Variants in ST14 observed in about 807,000 individuals in gnomAD.
ST14 encodes the protein suppressor of tumorigenicity 14 protein.
Under a neutral mutation model 96.5 loss-of-function variants are expected in ST14, and 40 were observed. The observed-to-expected ratio is 0.41, with a 90% CI of 0.32 to 0.54. The LOEUF is 0.54. Ranked by LOEUF, ST14 falls within the 20% of genes least tolerant of loss-of-function variation. The pLI is 0.17. For missense variants in ST14, 1,066 were observed against 1,188.9 expected, an observed-to-expected ratio of 0.90 and a Z score of 1.52; for synonymous variants, 506 against 492.1, an observed-to-expected ratio of 1.03 and a Z score of -0.37.
chr11:130,204,960 CTTTT>C (rs1953471318), intron 16 of ST14, among the ~76,000 whole-genome samples: 1 of 152,110 alleles, frequency 6.6e-6, no homozygotes, highest in Non-Finnish European at 1.5e-5. Flanking sequence ...GTTCAGTAAC[CTTTT>C]GACCTTCCTG....
At position 130,160,468 on chromosome 11, in the gene ST14, C is replaced by A. The variant is rs7117343; in HGVS notation, c.81+408C>A. Among the ~76,000 whole-genome samples the A allele has an allele frequency of 2.0e-5, 3 of 152,186 alleles. No homozygotes were observed. In the East Asian group the frequency reaches 5.8e-4, roughly 30 times the overall value. On this transcript the variant is annotated intron_variant, in intron 1 of 18. Transcript: ENST00000278742. ...TTGGAGTCTCAGCCATCCTTGGCCT[C>A]TGCAGAAAGTTTCTTTCGTCTCTCT...
chr11:130,205,055 A>G (rs1315506795), intron 16 of ST14, among the ~76,000 whole-genome samples: 1 of 152,056 alleles, frequency 6.6e-6, no homozygotes, highest in Non-Finnish European at 1.5e-5. Context: ...TATTTTTCCA[A>G]TGTTTTATTT....
chr11:130,196,558 C>CG lies in ST14; in HGVS notation c.1224-12_1224-11insG, dbSNP rs1555154898. The CG allele has an allele frequency of 9.7e-5, 143 of 1,468,496 alleles. No homozygotes were observed. The highest frequency in any genetic ancestry group is 3.5e-4 in the African/African-American group (14 of 39,472). The allele number at this position is 1,468,496 out of a possible 1,614,324, so 91.0% of individuals were successfully genotyped here. A position where few individuals can be genotyped will look rare whatever the true frequency, so the allele number is the denominator to read the frequency against. On this transcript the variant is annotated splice_polypyrimidine_tract_variant and intron_variant, in intron 10 of 18. Transcript: ENST00000278742. ...CTGTCCCTCCTCACCTTGTGCCCCGCCCCCCCTCCAGATACTGCGGAGAGA... is the reference window on the plus strand; with the variant it reads ...CTGTCCCTCCTCACCTTGTGCCCCGCGCCCCCCTCCAGATACTGCGGAGAGA...
In ST14 at chr11:130,210,003, A is replaced by G; in HGVS notation, c.*180A>G. On this transcript the variant is annotated 3_prime_UTR_variant, in exon 19 of 19. Transcript: ENST00000278742. ...AAACCTCTCGCTTCCTCAGCCTCCA[A>G]AGTGGAGCTGGGAGGTAGAAGGGGA... 1 of 753,420 alleles carries G rather than the reference A, an allele frequency of 1.3e-6. No homozygotes were observed. Among genetic ancestry groups the G allele is most frequent in the Non-Finnish European group, 2.1e-6 (1 of 476,248 alleles). 46.7% of individuals were successfully genotyped at this position (753,420 alleles called of 1,614,324 possible). A position where few individuals can be genotyped will look rare whatever the true frequency, so the allele number is the denominator to read the frequency against.
chr11:130,188,050 C>T lies in ST14; in HGVS notation c.82-64C>T. 1 of 1,597,596 alleles carries T rather than the reference C, an allele frequency of 6.3e-7. No homozygotes were observed. The highest frequency in any genetic ancestry group is 1.1e-5 in the South Asian group (1 of 89,092). ...GACCTCACAAAATGTGAACATCTTC[C>T]CCAGCGGGGTGCAGGGGAAGAGCGG... On this transcript the variant is annotated intron_variant, in intron 1 of 18. Transcript: ENST00000278742. This position sits in a 1 kb window ranked among gnomAD's most constrained non-coding sequence, Gnocchi z 5.4.
At position 130,168,435 on chromosome 11, in the gene ST14, C is replaced by T. The variant is rs573032371; in HGVS notation, c.81+8375C>T. On this transcript the variant is annotated intron_variant, in intron 1 of 18. Transcript: ENST00000278742. ...GCAGACTGAGAGAGCACACGAGCAC[C>T]GATGTAGAGCTTCCACTGGAGCGTC... Among the ~76,000 whole-genome samples, 10 of 152,254 alleles carry T rather than the reference C, an allele frequency of 6.6e-5. No individual in the cohort carries two copies. The East Asian group carries it at 1.5e-3, about 24-fold the overall frequency.
rs1565622842 is a variant in ST14, at chr11:130,187,581, T to G, written c.82-533T>G. Among the ~76,000 whole-genome samples, 1 of 152,168 alleles carries G rather than the reference T, an allele frequency of 6.6e-6. No homozygotes were observed. The highest frequency in any genetic ancestry group is 1.5e-5 in the Non-Finnish European group (1 of 68,028). On this transcript the variant is annotated intron_variant, in intron 1 of 18. Transcript: ENST00000278742. This position sits in a 1 kb window ranked among gnomAD's most constrained non-coding sequence, Gnocchi z 4.5. ...TTCACCATTGGCAGGGCAAGGCCGC[T>G]GGGTAGGGTGTGCAGTTGAGTGCTG...
In ST14 at chr11:130,210,006, T is replaced by C; in HGVS notation, c.*183T>C. 1.3e-6 allele frequency: 1 copy of C among 749,258 alleles called. No homozygotes were observed. Among genetic ancestry groups the C allele is most frequent in the Non-Finnish European group, 2.1e-6 (1 of 472,052 alleles). The allele number at this position is 749,258 out of a possible 1,614,324, so 46.4% of individuals were successfully genotyped here. A position where few individuals can be genotyped will look rare whatever the true frequency, so the allele number is the denominator to read the frequency against. ...CCTCTCGCTTCCTCAGCCTCCAAAG[T>C]GGAGCTGGGAGGTAGAAGGGGAGGA... On this transcript the variant is annotated 3_prime_UTR_variant, in exon 19 of 19. Transcript: ENST00000278742.
At chr11:130,185,730 G>T (rs59624194) in intron 1 of ST14, among the ~76,000 whole-genome samples, 2,299 of 152,172 alleles carry the variant, frequency 0.015, 60 homozygotes, top group African/African-American at 0.052. Flanking sequence ...ATAAGTAAAA[G>T]ATAATGAGTT....
At chr11:130,190,259 A>G in intron 6 of ST14, 111 bp downstream of exon 6, 3 of 1,511,586 alleles carry the variant, frequency 2.0e-6, no homozygotes, top group Non-Finnish European at 2.7e-6. Flanking sequence ...GAAGTATATT[A>G]TGACGATCTT....
chr11:130,209,524 C>A lies in ST14; in HGVS notation c.2352C>A (p.Ile784=). 6.3e-7 allele frequency: 1 copy of A among 1,579,458 alleles called. No homozygotes were observed. The change falls in exon 18 of 19, where the codon ATC becomes ATA. Residue 784 remains isoleucine, a synonymous_variant. Coordinates refer to ENST00000278742, the MANE Select transcript of ST14 (RefSeq NM_021978.4). ...TTCENLLPQQ[I]TPRMMCVGFL... ...GCGAGAACCTCCTGCCGCAGCAGATCACGCCGCGCATGATGTGCGTGGGCT... is the reference window on the plus strand; with the variant it reads ...GCGAGAACCTCCTGCCGCAGCAGATAACGCCGCGCATGATGTGCGTGGGCT...
chr11:130,182,804 C>T (rs1246499933), intron 1 of ST14, among the ~76,000 whole-genome samples: 6 of 151,308 alleles, frequency 4.0e-5, no homozygotes, highest in Non-Finnish European at 7.4e-5. Context: ...TGTCCGCCAC[C>T]ACACCTGGCT....
intron 11 of ST14, among the ~76,000 whole-genome samples, chr11:130,197,612 C>CTG (rs926852891): frequency 2.0e-5 from 3 of 152,228 alleles, no homozygotes; most frequent in Non-Finnish European, 4.4e-5. Context: ...GGGAGGGACC[C>CTG]TGCCAGCCCA....
chr11:130,170,414 A>G (rs924237776), intron 1 of ST14, among the ~76,000 whole-genome samples: 15 of 151,890 alleles, frequency 9.9e-5, no homozygotes, highest in African/African-American at 3.6e-4. Context: ...GTGGAGGGGG[A>G]GGGAGAGAGG....
rs866025047 is a variant in ST14, at chr11:130,197,847, C to T, written c.1361C>T (p.Pro454Leu). Reference protein sequence around the residue: ...YLSYDSSDPCPGQFTCRTGRC... With the variant: ...YLSYDSSDPCLGQFTCRTGRC... ...GGCCTGCCTGTGCCCGCAGCATGCC[C>T]GGGGCAGTTCACGTGCCGCACGGGG... The change falls in exon 12 of 19, where the codon CCG becomes CTG. Residue 454 changes from proline to leucine, a missense_variant. Pro to Leu is a moderately conservative substitution (Grantham distance 98). Transcript: ENST00000278742. 26 of 1,575,758 alleles carry T rather than the reference C, an allele frequency of 1.7e-5. No individual in the cohort carries two copies. Among genetic ancestry groups the T allele is most frequent in the Non-Finnish European group, 2.1e-5 (24 of 1,164,922 alleles).
intron 12 of ST14, 65 bp from the exon 13 acceptor site, chr11:130,198,243 G>A: frequency 6.8e-7 from 1 of 1,472,834 alleles, no homozygotes; most frequent in Admixed American, 1.7e-5. Context: ...CTGATCGCCT[G>A]GGCATCCTGG....
At position 130,181,192 on chromosome 11, in the gene ST14, G is replaced by A. The variant is rs1275929813; in HGVS notation, c.82-6922G>A. On this transcript the variant is annotated intron_variant, in intron 1 of 18. Transcript: ENST00000278742. The surrounding 1 kb of genome is among the most constrained non-coding windows in gnomAD (Gnocchi z 4.1). ...GATCTGATCTCGTCCCTGCTGGGTG[G>A]GATGGTGGTCTGATCTCGCCCCTGC... is the stretch of plus-strand genomic sequence containing the variant. 1.3e-5 allele frequency among the ~76,000 whole-genome samples: 2 copies of A among 151,894 alleles called. No homozygotes were observed. The highest frequency in any genetic ancestry group is 2.9e-5 in the Non-Finnish European group (2 of 67,978).
intron 16 of ST14, 90 bp from the exon 17 acceptor site, chr11:130,208,320 A>G (rs1953508979): frequency 1.3e-6 from 2 of 1,580,004 alleles, no homozygotes; most frequent in Admixed American, 1.7e-5. Flanking sequence ...TGCCTCATCC[A>G]TGCGGAATCC....
Position 130,187,590 on chromosome 11 carries a change from T to C in ST14, c.82-524T>C, listed in dbSNP as rs970587203. On this transcript the variant is annotated intron_variant, in intron 1 of 18. Transcript: ENST00000278742. The surrounding 1 kb of genome is among the most constrained non-coding windows in gnomAD (Gnocchi z 4.5). ...GGCAGGGCAAGGCCGCTGGGTAGGG[T>C]GTGCAGTTGAGTGCTGGCCACAGGC... Among the ~76,000 whole-genome samples the C allele has an allele frequency of 6.6e-6, 1 of 151,918 alleles. No homozygotes were observed. Among genetic ancestry groups the C allele is most frequent in the African/African-American group, 2.4e-5 (1 of 41,344 alleles).
Sources: allele counts gnomAD v4.1 joint callset (sites outside exome capture counted in the v4.1 genomes callset), GRCh38; gene constraint gnomAD v4.1.1; non-coding constraint Gnocchi (gnomAD v3.1); transcripts MANE v1.5; gene names NCBI Gene and HGNC (gene_info 2026-07-23, HGNC 2026-07-21).